Variants in RLF observed in about 807,000 individuals in gnomAD.
The protein encoded by RLF is zinc finger protein Rlf.
A neutral mutation model predicts 162.9 loss-of-function variants in RLF; 7 were observed. That is an observed-to-expected ratio of 0.04 (90% confidence interval 0.02 to 0.08). The LOEUF is 0.08. Ranked by LOEUF, RLF falls within the 10% of genes least tolerant of loss-of-function variation. The pLI is 1.00. For synonymous variants in RLF, 782 were observed against 791.5 expected, an observed-to-expected ratio of 0.99 and a Z score of 0.20; for missense variants, 1,664 against 2,244.7, an observed-to-expected ratio of 0.74 and a Z score of 5.23.
chr1:40,234,379 G>A (rs1053763454), intron 7 of RLF, among the ~76,000 whole-genome samples: 2 of 152,144 alleles, frequency 1.3e-5, no homozygotes, highest in Admixed American at 6.6e-5. Flanking sequence ...TTTCAAATAA[G>A]TGCCTAGGCT....
chr1:40,172,451 C>G (rs1241405295), intron 1 of RLF, among the ~76,000 whole-genome samples: 1 of 152,126 alleles, frequency 6.6e-6, no homozygotes, highest in East Asian at 1.9e-4. Flanking sequence ...ATATTAAGTG[C>G]TGGTTATTTC....
chr1:40,197,059 G>A (rs181756234), intron 4 of RLF, among the ~76,000 whole-genome samples: 110 of 152,084 alleles, frequency 7.2e-4, no homozygotes, highest in African/African-American at 2.6e-3. Flanking sequence ...TTTGATTGTC[G>A]ATCCTTTAAA....
chr1:40,168,439 T>C (rs1475027950), intron 1 of RLF, among the ~76,000 whole-genome samples: 1 of 151,692 alleles, frequency 6.6e-6, no homozygotes, highest in Non-Finnish European at 1.5e-5. Context: ...AGAGATGGGG[T>C]TTCGCCATGT....
intron 6 of RLF, among the ~76,000 whole-genome samples, chr1:40,227,566 A>G (rs902604604): frequency 4.6e-5 from 7 of 152,270 alleles, no homozygotes; most frequent in African/African-American, 7.2e-5. Context: ...TTTTACATCA[A>G]TTTATAACTA....
Position 40,238,688 on chromosome 1 carries a change from G to A in RLF, c.3986G>A (p.Arg1329His), listed in dbSNP as rs1643249645. 6.2e-7 allele frequency: 1 copy of A among 1,613,586 alleles called. No homozygotes were observed. The highest frequency in any genetic ancestry group is 8.5e-7 in the Non-Finnish European group (1 of 1,179,676). ...TTCACCAATCTAAAAGGCTTAATTC[G>A]CCATTACAGAACTGTACATCAGTAC... ...SSFTNLKGLIRHYRTVHQYNK... is the reference protein window; with the variant it reads ...SSFTNLKGLIHHYRTVHQYNK... Residue 1329 changes from arginine (R) to histidine (H), a missense_variant, in exon 8 of 8, where the codon CGC becomes CAC. Physicochemically the swap from Arg to His is conservative, Grantham distance 29 (BLOSUM62 0). This residue lies in a region of RLF where 33 missense variants were observed against 73.3 expected (regional missense o/e 0.45). Coordinates refer to ENST00000372771, the MANE Select transcript of RLF (RefSeq NM_012421.4). The surrounding 1 kb of genome is among the most constrained non-coding windows in gnomAD (Gnocchi z 5.2).
intron 3 of RLF, among the ~76,000 whole-genome samples, chr1:40,192,334 T>G (rs749375790): frequency 1.1e-4 from 17 of 152,180 alleles, no homozygotes; most frequent in Non-Finnish European, 2.5e-4. Context: ...GTATCCCATA[T>G]CTCAAATGCT....
At chr1:40,207,330 AG>A (rs1176646551) in intron 5 of RLF, among the ~76,000 whole-genome samples, 1 of 152,190 alleles carries the variant, frequency 6.6e-6, no homozygotes, top group East Asian at 1.9e-4. Context: ...ATGCTTTCTA[AG>A]TTTTTAAACT....
Position 40,161,498 on chromosome 1 carries a change from G to C in RLF, c.99G>C (p.Met33Ile). 2 of 1,602,032 alleles carry C rather than the reference G, an allele frequency of 1.2e-6. No homozygotes were observed. Among genetic ancestry groups the C allele is most frequent in the Non-Finnish European group, 1.7e-6 (2 of 1,175,200 alleles). The change falls in exon 1 of 8, where the codon ATG becomes ATC. Residue 33 changes from methionine to isoleucine, a missense_variant. This residue lies in a region of RLF where 134 missense variants were observed against 124.3 expected (regional missense o/e 1.08). Coordinates refer to ENST00000372771, the MANE Select transcript of RLF (RefSeq NM_012421.4). The surrounding 1 kb of genome is among the most constrained non-coding windows in gnomAD (Gnocchi z 4.4). ...GAGATGGAGTCGAGACTGAGTCCATGGTTCGGGGTCATCGCCCCGTATCTC... is the reference window on the plus strand; with the variant it reads ...GAGATGGAGTCGAGACTGAGTCCATCGTTCGGGGTCATCGCCCCGTATCTC... The part of the protein sequence containing the change: ...GAGDGVETES[M>I]VRGHRPVSPA...
At chr1:40,217,957 C>A (rs1253631338) in intron 5 of RLF, among the ~76,000 whole-genome samples, 1 of 152,096 alleles carries the variant, frequency 6.6e-6, no homozygotes, top group Non-Finnish European at 1.5e-5. Context: ...GAAAAAAATT[C>A]ACATTGTTAA....
chr1:40,186,735 TTA>T (rs1642486860), intron 1 of RLF, among the ~76,000 whole-genome samples: 1 of 152,150 alleles, frequency 6.6e-6, no homozygotes, highest in Non-Finnish European at 1.5e-5. Flanking sequence ...ATCTAGCACT[TTA>T]TGTGTGATAA....
intron 3 of RLF, among the ~76,000 whole-genome samples, chr1:40,191,539 G>GA (rs375633544): frequency 1.4e-3 from 181 of 130,434 alleles, no homozygotes; most frequent in South Asian, 4.9e-3. Context: ...CTCTGTCTCG[G>GA]AAAAAAAAAA....
chr1:40,178,069 T>TAG (rs1491378735), intron 1 of RLF: 1 of 150,136 alleles, frequency 6.7e-6, no homozygotes, highest in Admixed American at 6.6e-5. Flanking sequence ...TATATATATA[T>TAG]AGATAGGTAT....
At chr1:40,206,815 A>G (rs1642802200) in intron 5 of RLF, among the ~76,000 whole-genome samples, 2 of 152,108 alleles carry the variant, frequency 1.3e-5, no homozygotes, top group Non-Finnish European at 2.9e-5. Flanking sequence ...CTCTGACGAG[A>G]ATTGCCTTCC....
chr1:40,182,391 G>A (rs1014121399), intron 1 of RLF, among the ~76,000 whole-genome samples: 6 of 151,988 alleles, frequency 3.9e-5, no homozygotes, highest in African/African-American at 7.3e-5. Context: ...CGCAGATTGC[G>A]CCACTGCACT....
intron 1 of RLF, among the ~76,000 whole-genome samples, chr1:40,188,137 GT>G (rs1356871718): frequency 6.6e-6 from 1 of 152,164 alleles, no homozygotes; most frequent in Non-Finnish European, 1.5e-5. Context: ...AACCTAATCA[GT>G]TGTCAGAAGG....
At position 40,237,840 on chromosome 1, in the gene RLF, C is replaced by G; in HGVS notation, c.3138C>G (p.Ser1046=). The G allele has an allele frequency of 6.2e-7, 1 of 1,614,104 alleles. No homozygotes were observed. The highest frequency in any genetic ancestry group is 1.3e-5 in the African/African-American group (1 of 75,026). ...AACATCAAGGTTATTCCTCAGAATC[C>G]TCCATTTGTGCTTCTAAAAGGCCCT... ...KREHQGYSSE[S]SICASKRPCT... is the part of the protein sequence containing the mutation. Residue 1046 remains serine, a synonymous_variant, in exon 8 of 8, where the codon TCC becomes TCG. Transcript: ENST00000372771. This position sits in a 1 kb window ranked among gnomAD's most constrained non-coding sequence, Gnocchi z 4.4.
chr1:40,183,368 G>C (rs1219675308), intron 1 of RLF, among the ~76,000 whole-genome samples: 1 of 152,128 alleles, frequency 6.6e-6, no homozygotes, highest in Non-Finnish European at 1.5e-5. Context: ...GCTTTAAAAA[G>C]AAACACTAGC....
At chr1:40,221,917 A>AAAAAAAAAAAAAAAAAAAAAAAGAG (rs1486982312) in intron 5 of RLF, among the ~76,000 whole-genome samples, 14 of 150,284 alleles carry the variant, frequency 9.3e-5, no homozygotes, top group African/African-American at 3.5e-4. Flanking sequence ...AAAAAAAAAA[A>AAAAAAAAAAAAAAAAAAAAAAAGAG]AGAGAAAGGA....
intron 3 of RLF, among the ~76,000 whole-genome samples, chr1:40,191,395 G>A (rs769936798): frequency 3.9e-5 from 6 of 151,998 alleles, no homozygotes; most frequent in Non-Finnish European, 7.4e-5. Context: ...AATATTAGCC[G>A]GGCATGGTGG....
Sources: allele counts gnomAD v4.1 joint callset (sites outside exome capture counted in the v4.1 genomes callset), GRCh38; gene constraint gnomAD v4.1.1; regional missense constraint gnomAD v4.1.1; non-coding constraint Gnocchi (gnomAD v3.1); transcripts MANE v1.5; gene names NCBI Gene and HGNC (gene_info 2026-07-23, HGNC 2026-07-21).